Variants in SH3GL2 observed in about 807,000 individuals in gnomAD.
The protein encoded by SH3GL2 is endophilin-A1.
A neutral mutation model predicts 46.0 loss-of-function variants in SH3GL2; 24 were observed. The observed-to-expected ratio is 0.52, with a 90% confidence interval of 0.38 to 0.73. SH3GL2 has a LOEUF of 0.73. SH3GL2 is among the 30% of genes least tolerant of loss of function. The probability of loss-of-function intolerance (pLI) is 0.00; values close to 1 mark genes in which losing one functional copy is unlikely to be tolerated. For synonymous variants in SH3GL2, 196 were observed against 147.1 expected (o/e 1.33, Z -2.40); for missense variants, 413 against 424.2 (o/e 0.97, Z 0.23).
intron 1 of SH3GL2, among the ~76,000 whole-genome samples, chr9:17,602,028 A>G (rs1818681537): frequency 6.6e-6 from 1 of 152,230 alleles, no homozygotes; most frequent in Admixed American, 6.5e-5. Flanking sequence ...GTTGAACTTC[A>G]TGAAACTTAA....
At chr9:17,753,449 A>C (rs1203236510) in intron 2 of SH3GL2, among the ~76,000 whole-genome samples, 4 of 152,070 alleles carry the variant, frequency 2.6e-5, no homozygotes, top group African/African-American at 9.7e-5. Flanking sequence ...GTTTTCTCAT[A>C]TGTTTCTTGG....
intron 1 of SH3GL2, among the ~76,000 whole-genome samples, chr9:17,592,435 A>G (rs938135590): frequency 5.3e-5 from 8 of 152,238 alleles, no homozygotes; most frequent in Non-Finnish European, 1.0e-4. Flanking sequence ...GACTTAATTT[A>G]AAACTGAATC....
intron 2 of SH3GL2, among the ~76,000 whole-genome samples, chr9:17,754,470 G>C (rs145956042): frequency 6.6e-6 from 1 of 151,958 alleles, no homozygotes. Context: ...TCAGGAGATC[G>C]AGACCATCCT....
At chr9:17,630,014 A>G (rs961208279) in intron 1 of SH3GL2, among the ~76,000 whole-genome samples, 4 of 152,184 alleles carry the variant, frequency 2.6e-5, no homozygotes, top group African/African-American at 7.2e-5. Flanking sequence ...CTGGAGCAGA[A>G]TATCTTGGGG....
At chr9:17,773,369 C>T (rs1331642608) in intron 3 of SH3GL2, among the ~76,000 whole-genome samples, 1 of 152,044 alleles carries the variant, frequency 6.6e-6, no homozygotes, top group East Asian at 1.9e-4. Flanking sequence ...GGTATCATAT[C>T]CAGGAATTCA....
Position 17,754,023 on chromosome 9 carries a change from A to G in SH3GL2, c.114+6889A>G, listed in dbSNP as rs550713463. Among the ~76,000 whole-genome samples the G allele has an allele frequency of 8.5e-4, 129 of 152,142 alleles. 1 individual carries two copies. Among genetic ancestry groups the G allele is most frequent in the Non-Finnish European group, 1.5e-3 (101 of 67,978 alleles). On this transcript the variant is annotated intron_variant, in intron 2 of 8. Transcript: ENST00000380607. Reference sequence around the variant, plus strand: ...GTTTTATTTCTGAGATCTCTATTCTATTCTGTTGGTTTATGTGTCTGTTTT... The same window carrying G: ...GTTTTATTTCTGAGATCTCTATTCTGTTCTGTTGGTTTATGTGTCTGTTTT...
chr9:17,766,080 A>AC (rs758235585), intron 3 of SH3GL2, among the ~76,000 whole-genome samples: 1 of 152,238 alleles, frequency 6.6e-6, no homozygotes, highest in Non-Finnish European at 1.5e-5. Context: ...CAGAAATGAG[A>AC]CCAAGACTGG....
At chr9:17,695,853 C>T (rs1413945712) in intron 1 of SH3GL2, among the ~76,000 whole-genome samples, 1 of 151,954 alleles carries the variant, frequency 6.6e-6, no homozygotes, top group African/African-American at 2.4e-5. Context: ...ATCTGAGGAA[C>T]ATGGGTAGGG....
intron 1 of SH3GL2, among the ~76,000 whole-genome samples, chr9:17,587,040 A>G (rs1325542686): frequency 2.0e-5 from 3 of 152,156 alleles, no homozygotes; most frequent in Non-Finnish European, 2.9e-5. Flanking sequence ...CGTCTCTACT[A>G]AAAATGGGAA....
chr9:17,587,578 T>A (rs982646184), intron 1 of SH3GL2, among the ~76,000 whole-genome samples: 6 of 152,164 alleles, frequency 3.9e-5, no homozygotes, highest in Non-Finnish European at 8.8e-5. Context: ...AATTTCTTCA[T>A]AAACTTAGTA....
At chr9:17,731,564 G>A (rs143590164) in intron 1 of SH3GL2, among the ~76,000 whole-genome samples, 166 of 152,192 alleles carry the variant, frequency 1.1e-3, no homozygotes, top group Middle Eastern at 0.01. Context: ...CAGGAATTGA[G>A]CGTTCACCAA....
chr9:17,645,151 CTTTTTTTTTT>C (rs57611978), intron 1 of SH3GL2, among the ~76,000 whole-genome samples: 78 of 68,752 alleles, frequency 1.1e-3, no homozygotes, highest in African/African-American at 4.6e-3. Context: ...GCAAACGCTG[CTTTTTTTTTT>C]TTTTTTTTTT....
At chr9:17,789,764 G>A (rs530452824) in intron 6 of SH3GL2, 18 of 983,598 alleles carry the variant, frequency 1.8e-5, no homozygotes, top group South Asian at 4.7e-5. Flanking sequence ...CTAGATTCTC[G>A]ACTGCTAATG....
intron 1 of SH3GL2, among the ~76,000 whole-genome samples, chr9:17,683,851 C>T (rs1458705917): frequency 6.6e-6 from 1 of 152,116 alleles, no homozygotes; most frequent in Admixed American, 6.6e-5. Context: ...ACGCCAAGGA[C>T]ACATGAAACC....
intron 2 of SH3GL2, among the ~76,000 whole-genome samples, chr9:17,757,729 T>C (rs1034021523): frequency 6.6e-6 from 1 of 152,230 alleles, no homozygotes; most frequent in African/African-American, 2.4e-5. Flanking sequence ...CAAATGGCAA[T>C]AAGCTCAATT....
chr9:17,609,653 A>G (rs759465007), intron 1 of SH3GL2, among the ~76,000 whole-genome samples: 1 of 152,204 alleles, frequency 6.6e-6, no homozygotes, highest in East Asian at 1.9e-4. Flanking sequence ...TGAATATACA[A>G]CGTGAAACGT....
intron 3 of SH3GL2, among the ~76,000 whole-genome samples, chr9:17,773,583 T>C (rs550706639): frequency 7.9e-5 from 12 of 152,120 alleles, no homozygotes; most frequent in Non-Finnish European, 1.3e-4. Context: ...TCGTGAGTGG[T>C]CTTGGTACCT....
intron 1 of SH3GL2, among the ~76,000 whole-genome samples, chr9:17,653,578 C>T (rs55990734): frequency 2.0e-5 from 3 of 152,078 alleles, no homozygotes; most frequent in Non-Finnish European, 4.4e-5. Context: ...GGAGTTATTA[C>T]CTGCTTCTGT....
At chr9:17,634,554 C>T (rs1181054067) in intron 1 of SH3GL2, among the ~76,000 whole-genome samples, 1 of 152,172 alleles carries the variant, frequency 6.6e-6, no homozygotes, top group Admixed American at 6.5e-5. Flanking sequence ...GACTTAGCTT[C>T]TTGTTCTTGG....
Sources: gnomAD v4.1 joint callset for allele counts (sites outside exome capture counted in the v4.1 genomes callset) on GRCh38, gnomAD v4.1.1 for gene constraint, MANE v1.5 for transcripts, NCBI Gene and HGNC (gene_info 2026-07-23, HGNC 2026-07-21) for gene names.